The following PDZRN4 variants were observed in gnomAD, a reference collection of about 807,000 sequenced individuals.
PDZRN4 encodes PDZ domain-containing RING finger protein 4.
Under a neutral mutation model 99.0 loss-of-function variants are expected in PDZRN4, and 70 were observed. The observed-to-expected ratio is 0.71, with a 90% confidence interval of 0.58 to 0.86. The LOEUF (loss-of-function observed/expected upper bound fraction) is 0.86. PDZRN4 is among the 40% of genes least tolerant of loss of function. The pLI is 0.00. For synonymous variants in PDZRN4, 551 were observed against 501.6 expected, an observed-to-expected ratio of 1.10 and a Z score of -1.32; for missense variants, 1,474 against 1,331.2, an observed-to-expected ratio of 1.11 and a Z score of -1.67.
Position 41,517,041 on chromosome 12 carries a change from A to G in PDZRN4, c.1203+7128A>G, listed in dbSNP as rs182532085. Among the ~76,000 whole-genome samples, 5 of 152,210 alleles carry G rather than the reference A, an allele frequency of 3.3e-5. No individual in the cohort carries two copies. In the East Asian group the frequency reaches 9.7e-4, roughly 29 times the overall value. ...AGTTGGCAACAGTTACCACAGTATT[A>G]TAATTCTTTCCGATTTCTTACTGAA... is the stretch of plus-strand genomic sequence containing the variant. On this transcript the variant is annotated intron_variant, in intron 5 of 9. Coordinates refer to ENST00000402685, the MANE Select transcript of PDZRN4 (RefSeq NM_001164595.2).
intron 3 of PDZRN4, among the ~76,000 whole-genome samples, chr12:41,467,933 T>G (rs1326949813): frequency 3.9e-5 from 6 of 152,238 alleles, no homozygotes. Flanking sequence ...AATTACTTAT[T>G]GCATTCCTGC....
At chr12:41,531,787 A>T (rs983844474) in intron 5 of PDZRN4, among the ~76,000 whole-genome samples, 1 of 151,838 alleles carries the variant, frequency 6.6e-6, no homozygotes, top group African/African-American at 2.4e-5. Flanking sequence ...TTCTATATGG[A>T]CTGTTTTTTG....
chr12:41,534,191 C>T (rs1002089070), intron 5 of PDZRN4, among the ~76,000 whole-genome samples: 1 of 152,080 alleles, frequency 6.6e-6, no homozygotes, highest in Non-Finnish European at 1.5e-5. Context: ...ATATACATTC[C>T]AGATTTGGTT....
At chr12:41,373,881 G>A (rs193247005) in intron 3 of PDZRN4, among the ~76,000 whole-genome samples, 7 of 152,214 alleles carry the variant, frequency 4.6e-5, no homozygotes, top group African/African-American at 1.7e-4. Context: ...TATTAATTTG[G>A]GGAACTAATA....
At chr12:41,367,207 T>A (rs189896022) in intron 3 of PDZRN4, among the ~76,000 whole-genome samples, 57 of 152,190 alleles carry the variant, frequency 3.7e-4, no homozygotes, top group African/African-American at 1.2e-3. Context: ...TTGAGTTGAA[T>A]GGTAGAAATG....
chr12:41,497,686 G>A (rs527932967), intron 3 of PDZRN4, among the ~76,000 whole-genome samples: 1 of 152,274 alleles, frequency 6.6e-6, no homozygotes, highest in Admixed American at 6.5e-5. Context: ...TCAGCTTGGA[G>A]AGCAGGATAT....
At chr12:41,502,565 C>T (rs1460881570) in intron 3 of PDZRN4, among the ~76,000 whole-genome samples, 1 of 152,100 alleles carries the variant, frequency 6.6e-6, no homozygotes, top group African/African-American at 2.4e-5. Context: ...TGAAAATCAA[C>T]TCATCTGTAT....
chr12:41,453,669 T>C (rs565665273), intron 3 of PDZRN4, among the ~76,000 whole-genome samples: 2 of 152,310 alleles, frequency 1.3e-5, no homozygotes, highest in South Asian at 4.1e-4. Context: ...ATCCATCTTC[T>C]TGTCCCATTA....
chr12:41,567,512 A>G (rs1939395088), intron 8 of PDZRN4, among the ~76,000 whole-genome samples: 1 of 152,136 alleles, frequency 6.6e-6, no homozygotes. Context: ...ATACATTTTG[A>G]AAGAAGGTAA....
intron 3 of PDZRN4, among the ~76,000 whole-genome samples, chr12:41,269,997 G>T (rs112965494): frequency 0.024 from 3,686 of 152,194 alleles, 64 homozygotes; most frequent in Non-Finnish European, 0.04. Flanking sequence ...TGCTTTGTCT[G>T]TCTCTCTCTG....
rs1565614049 is a variant in PDZRN4 at position 41,555,241 on chromosome 12, A to AAAAAAAAAG, written c.1303-448_1303-440dup. On this transcript the variant is annotated intron_variant, in intron 6 of 9. Transcript: ENST00000402685. ...GCCAGACTCTGTCTCAAAAAAAAAA[A>AAAAAAAAAG]AAAAAAAAGAAAAAAAAAAGGACGG... Among the ~76,000 whole-genome samples the AAAAAAAAAG allele has an allele frequency of 3.5e-4, 42 of 119,972 alleles. 6 individuals carry two copies. The highest frequency in any genetic ancestry group is 3.6e-4 in the Non-Finnish European group (22 of 60,992). 78.7% of individuals were successfully genotyped at this position (119,972 alleles called of 152,430 possible).
At chr12:41,543,712 C>T (rs1316556296) in intron 5 of PDZRN4, among the ~76,000 whole-genome samples, 2 of 152,132 alleles carry the variant, frequency 1.3e-5, no homozygotes, top group Non-Finnish European at 2.9e-5. Flanking sequence ...AAGCTTTGAG[C>T]TACTCCTGAT....
At chr12:41,485,436 C>T (rs1438355310) in intron 3 of PDZRN4, among the ~76,000 whole-genome samples, 18 of 152,138 alleles carry the variant, frequency 1.2e-4, no homozygotes, top group Admixed American at 1.2e-3. Flanking sequence ...CCAGGACTCA[C>T]CGGAGGTGTT....
At chr12:41,317,473 TA>T (rs958254387) in intron 3 of PDZRN4, among the ~76,000 whole-genome samples, 5 of 152,160 alleles carry the variant, frequency 3.3e-5, no homozygotes, top group Non-Finnish European at 5.9e-5. Context: ...TCAGCTCATC[TA>T]AAAAAATGCC....
intron 6 of PDZRN4, among the ~76,000 whole-genome samples, chr12:41,555,066 A>C (rs1479489868): frequency 7.8e-6 from 1 of 128,358 alleles, no homozygotes; most frequent in Non-Finnish European, 1.5e-5. Context: ...AAAAAAAAAA[A>C]AAAAAAAAAA....
intron 3 of PDZRN4, among the ~76,000 whole-genome samples, chr12:41,310,876 T>G (rs1358637905): frequency 1.3e-5 from 2 of 152,146 alleles, no homozygotes; most frequent in African/African-American, 4.8e-5. Context: ...TTTTGTATGT[T>G]CGTAAAGTTC....
At position 41,214,252 on chromosome 12, in the gene PDZRN4, T is replaced by TAAA. The variant is rs60618442; in HGVS notation, c.843+20088_843+20090dup. Among the ~76,000 whole-genome samples the TAAA allele has an allele frequency of 3.7e-3, 315 of 84,758 alleles. 11 individuals are homozygous for TAAA. The highest frequency in any genetic ancestry group is 0.014 in the African/African-American group (299 of 21,380). The allele number at this position is 84,758 out of a possible 152,430, so 55.6% of individuals were successfully genotyped here. A position where few individuals can be genotyped will look rare whatever the true frequency, so the allele number is the denominator to read the frequency against. On this transcript the variant is annotated intron_variant, in intron 3 of 9. Transcript: ENST00000402685. ...GAGCAACATAGTGAGACCCTGTATT[T>TAAA]AAAAAAAAAAAAAAAAAAAAAAAAA...
chr12:41,341,891 A>T (rs930055085), intron 3 of PDZRN4, among the ~76,000 whole-genome samples: 1 of 151,944 alleles, frequency 6.6e-6, no homozygotes, highest in African/African-American at 2.4e-5. Flanking sequence ...TGAACAGCCA[A>T]AGCAATCCTA....
chr12:41,245,551 C>G (rs1951128378), intron 3 of PDZRN4, among the ~76,000 whole-genome samples: 1 of 151,916 alleles, frequency 6.6e-6, no homozygotes, highest in Non-Finnish European at 1.5e-5. Flanking sequence ...GGATTGGCTT[C>G]AAAATGATAT....
Sources: gnomAD v4.1 joint callset for allele counts (sites outside exome capture counted in the v4.1 genomes callset) on GRCh38, gnomAD v4.1.1 for gene constraint, MANE v1.5 for transcripts, NCBI Gene and HGNC (gene_info 2026-07-23, HGNC 2026-07-21) for gene names.